The following ITGBL1 variants were observed in gnomAD, a reference collection of about 807,000 sequenced individuals.
ITGBL1 encodes integrin beta-like protein 1.
ITGBL1 carries 51 observed loss-of-function variants against 68.5 expected under a neutral mutation model. The observed-to-expected ratio is 0.74, with a 90% CI of 0.59 to 0.94. The LOEUF is 0.94. Ranked by LOEUF, ITGBL1 falls within the 40% of genes least tolerant of loss-of-function variation. The pLI, the probability that ITGBL1 is intolerant of heterozygous loss-of-function variation, is 0.00. For missense variants in ITGBL1, 649 were observed against 647.4 expected (o/e 1.00, Z -0.03); for synonymous variants, 209 against 227.3 (o/e 0.92, Z 0.72).
At chr13:101,461,949 T>C (rs1013228753) in intron 2 of ITGBL1, among the ~76,000 whole-genome samples, 7 of 152,190 alleles carry the variant, frequency 4.6e-5, no homozygotes, top group Admixed American at 1.3e-4. Context: ...AAGGTGTTGA[T>C]AGCCTCTGTT....
At chr13:101,603,487 C>T (rs924781605) in intron 7 of ITGBL1, among the ~76,000 whole-genome samples, 3 of 151,848 alleles carry the variant, frequency 2.0e-5, no homozygotes, top group African/African-American at 7.2e-5. Flanking sequence ...GGAATATTGT[C>T]ATTATAGTGC....
chr13:101,618,978 G>A (rs1230132156), intron 7 of ITGBL1, among the ~76,000 whole-genome samples: 1 of 152,010 alleles, frequency 6.6e-6, no homozygotes, highest in Non-Finnish European at 1.5e-5. Context: ...CTGGGGGCAG[G>A]TGGGAATTGG....
intron 2 of ITGBL1, among the ~76,000 whole-genome samples, chr13:101,536,159 CT>C (rs1471061093): frequency 2.0e-5 from 3 of 151,734 alleles, no homozygotes; most frequent in Non-Finnish European, 4.4e-5. Context: ...TAGAATGGCC[CT>C]TTTCTTTTAA....
intron 6 of ITGBL1, among the ~76,000 whole-genome samples, chr13:101,592,910 A>G (rs1594911736): frequency 6.6e-6 from 1 of 152,116 alleles, no homozygotes; most frequent in East Asian, 1.9e-4. Context: ...AAACAAATAG[A>G]TAAATGGAAG....
intron 3 of ITGBL1, 123 bp from the exon 4 acceptor site, chr13:101,575,301 T>A: frequency 2.2e-6 from 2 of 926,422 alleles, no homozygotes; most frequent in Non-Finnish European, 3.3e-6. Flanking sequence ...CCCACAGAAA[T>A]ATCTAATTGA....
chr13:101,500,294 A>G (rs1255591284), intron 2 of ITGBL1, among the ~76,000 whole-genome samples: 2 of 152,206 alleles, frequency 1.3e-5, no homozygotes, highest in Non-Finnish European at 1.5e-5. Flanking sequence ...CCCATTTATA[A>G]CAGAGTTTAA....
At chr13:101,697,818 T>C (rs2139567758) in intron 8 of ITGBL1, among the ~76,000 whole-genome samples, 1 of 152,262 alleles carries the variant, frequency 6.6e-6, no homozygotes, top group East Asian at 1.9e-4. Flanking sequence ...GTATCTGTAA[T>C]AAAAATAAAA....
chr13:101,706,754 AGGCCAC>A lies in ITGBL1; in HGVS notation c.1135_1140del (p.His379_Gly380del). 6.2e-7 allele frequency: 1 copy of A among 1,612,916 alleles called. No individual in the cohort carries two copies. The highest frequency in any genetic ancestry group is 8.5e-7 in the Non-Finnish European group (1 of 1,179,274). On this transcript the variant is annotated splice_acceptor_variant and coding_sequence_variant, in exon 9 of 11. Transcript: ENST00000376180. LOFTEE classifies it high-confidence loss of function. ...CACTCCTTTCCTGTGGTTGCTTCAC[AGGCCAC>A]GGCACATGTTCCTGTGGTCGCTGTG... is the stretch of plus-strand genomic sequence containing the variant.
chr13:101,578,622 T>A (rs1314088651), intron 4 of ITGBL1, among the ~76,000 whole-genome samples: 1 of 152,124 alleles, frequency 6.6e-6, no homozygotes, highest in Non-Finnish European at 1.5e-5. Context: ...AAAGAGGGCA[T>A]CTGGACACAA....
At chr13:101,606,218 A>C (rs1259322204) in intron 7 of ITGBL1, among the ~76,000 whole-genome samples, 1 of 147,684 alleles carries the variant, frequency 6.8e-6, no homozygotes, top group African/African-American at 2.5e-5. Flanking sequence ...TATATGATAT[A>C]TGTATCAGAA....
At chr13:101,632,281 T>C (rs1381485138) in intron 7 of ITGBL1, among the ~76,000 whole-genome samples, 2 of 152,150 alleles carry the variant, frequency 1.3e-5, no homozygotes, top group Non-Finnish European at 2.9e-5. Flanking sequence ...AGAAGGTATA[T>C]GCTTGGCTAG....
chr13:101,635,871 T>C (rs996224233), intron 7 of ITGBL1, among the ~76,000 whole-genome samples: 3 of 152,240 alleles, frequency 2.0e-5, no homozygotes, highest in African/African-American at 7.2e-5. Context: ...CATTTATATT[T>C]ACCATAACTT....
intron 9 of ITGBL1, 48 bp downstream of exon 9, chr13:101,706,950 G>C (rs1594997712): frequency 6.3e-7 from 1 of 1,583,784 alleles, no homozygotes; most frequent in Non-Finnish European, 8.6e-7. Flanking sequence ...TCTGACACAT[G>C]ATTTGTAGAA....
In ITGBL1 at chr13:101,696,859, T is replaced by C. The variant is rs374920162; in HGVS notation, c.1132+4158T>C. Among the ~76,000 whole-genome samples the C allele has an allele frequency of 1.1e-3, 165 of 152,318 alleles. 1 individual carries two copies. Among genetic ancestry groups the C allele is most frequent in the Admixed American group, 1.7e-3 (26 of 15,286 alleles). ...TTAAGGAGAATGAGAAAGGAAGAAC[T>C]ATTCCAGTTTTGGATACAGGATTCT... is the stretch of plus-strand genomic sequence containing the variant. On this transcript the variant is annotated intron_variant, in intron 8 of 10. Coordinates refer to ENST00000376180, the MANE Select transcript of ITGBL1 (RefSeq NM_004791.3).
chr13:101,525,906 C>T (rs1415776648), intron 2 of ITGBL1, among the ~76,000 whole-genome samples: 2 of 151,976 alleles, frequency 1.3e-5, no homozygotes, highest in African/African-American at 4.8e-5. Flanking sequence ...TCTCTTCTCT[C>T]TATTTTTCCA....
intron 2 of ITGBL1, among the ~76,000 whole-genome samples, chr13:101,460,782 G>GGCAGGAGAAGGA (rs1555352132): frequency 6.6e-6 from 1 of 151,844 alleles, no homozygotes; most frequent in Non-Finnish European, 1.5e-5. Flanking sequence ...CATGTCACAT[G>GGCAGGAGAAGGA]GCAAGAGATA....
In ITGBL1 at chr13:101,692,613, C is replaced by T. The variant is rs2033904500; in HGVS notation, c.1044C>T (p.Cys348=). The T allele has an allele frequency of 3.7e-6, 6 of 1,613,614 alleles. No homozygotes were observed. The highest frequency in any genetic ancestry group is 5.1e-6 in the Non-Finnish European group (6 of 1,179,590). The change falls in exon 8 of 11, where the codon TGC becomes TGT. Residue 348 remains cysteine (C), a synonymous_variant. Coordinates refer to ENST00000376180, the MANE Select transcript of ITGBL1 (RefSeq NM_004791.3). ...RGKCECGKCT[C]YPPGDRRVYG... ...AATGTGAATGTGGCAAATGCACCTG[C>T]TATCCTCCAGGAGATCGCCGGGTGT...
At chr13:101,644,028 C>T (rs1038219865) in intron 7 of ITGBL1, among the ~76,000 whole-genome samples, 1 of 152,098 alleles carries the variant, frequency 6.6e-6, no homozygotes, top group African/African-American at 2.4e-5. Context: ...AGTGGAAGAT[C>T]CGGCAACTTT....
chr13:101,533,087 A>G (rs1052329687), intron 2 of ITGBL1, among the ~76,000 whole-genome samples: 2 of 152,202 alleles, frequency 1.3e-5, no homozygotes, highest in African/African-American at 2.4e-5. Context: ...CACTTTAATG[A>G]TATTAATTTT....
Sources: gnomAD v4.1 joint callset for allele counts (sites outside exome capture counted in the v4.1 genomes callset) on GRCh38, gnomAD v4.1.1 for gene constraint, MANE v1.5 for transcripts, NCBI Gene and HGNC (gene_info 2026-07-23, HGNC 2026-07-21) for gene names.